LRRTM4: variants seen among roughly 807,000 people sequenced by gnomAD.
LRRTM4 encodes leucine-rich repeat transmembrane neuronal protein 4.
In LRRTM4, 25 loss-of-function variants were observed where a neutral mutation model predicts 47.6. The observed-to-expected ratio is 0.53, with a 90% CI of 0.38 to 0.73. The LOEUF (loss-of-function observed/expected upper bound fraction) is 0.73. LRRTM4 is among the 30% of genes least tolerant of loss of function. The pLI, the probability that LRRTM4 is intolerant of heterozygous loss-of-function variation, is 0.00. For missense variants in LRRTM4, 638 were observed against 713.4 expected, an observed-to-expected ratio of 0.89 and a Z score of 1.20; for synonymous variants, 311 against 269.5, an observed-to-expected ratio of 1.15 and a Z score of -1.51.
chr2:77,012,206 T>C (rs1250772009), intron 3 of LRRTM4, among the ~76,000 whole-genome samples: 1 of 152,132 alleles, frequency 6.6e-6, no homozygotes, highest in East Asian at 1.9e-4. Context: ...GGAAGCTTAC[T>C]CAAGTATTTC....
At chr2:77,436,739 G>A (rs1675615039) in intron 3 of LRRTM4, among the ~76,000 whole-genome samples, 1 of 151,692 alleles carries the variant, frequency 6.6e-6, no homozygotes, top group Non-Finnish European at 1.5e-5. Flanking sequence ...TCTGCTTTTA[G>A]TTCTATAATG....
chr2:77,388,952 C>T (rs1450400716), intron 3 of LRRTM4, among the ~76,000 whole-genome samples: 1 of 151,800 alleles, frequency 6.6e-6, no homozygotes, highest in Non-Finnish European at 1.5e-5. Flanking sequence ...ATAATATAAC[C>T]ATTTCACTAA....
intron 3 of LRRTM4, among the ~76,000 whole-genome samples, chr2:76,771,479 C>T (rs1245534273): frequency 2.6e-5 from 4 of 152,024 alleles, no homozygotes; most frequent in Non-Finnish European, 4.4e-5. Flanking sequence ...GCAAGGGCTC[C>T]AGGAGGAACC....
chr2:77,326,157 A>C (rs1417809104), intron 3 of LRRTM4, among the ~76,000 whole-genome samples: 2 of 152,240 alleles, frequency 1.3e-5, no homozygotes, highest in African/African-American at 4.8e-5. Context: ...TCATTAGATC[A>C]TACCATTTTG....
chr2:77,428,003 G>T (rs896117515), intron 3 of LRRTM4, among the ~76,000 whole-genome samples: 6 of 152,144 alleles, frequency 3.9e-5, no homozygotes, highest in African/African-American at 1.2e-4. Context: ...GAACCATAGG[G>T]CAGTTACTCC....
intron 3 of LRRTM4, chr2:77,009,785 C>A (rs1047197139): frequency 1.1e-4 from 16 of 151,980 alleles, no homozygotes; most frequent in African/African-American, 3.6e-4. Context: ...TAAATTCATG[C>A]CTCTTATTAC....
chr2:77,165,660 C>T (rs1415270870), intron 3 of LRRTM4, among the ~76,000 whole-genome samples: 2 of 152,096 alleles, frequency 1.3e-5, no homozygotes, highest in Non-Finnish European at 2.9e-5. Flanking sequence ...TGAACATATG[C>T]AAATCAATAA....
intron 3 of LRRTM4, among the ~76,000 whole-genome samples, chr2:77,144,837 A>G (rs1052427026): frequency 1.3e-5 from 2 of 152,208 alleles, no homozygotes; most frequent in Admixed American, 6.5e-5. Flanking sequence ...CTGAACAACA[A>G]GAGCAAATAT....
chr2:76,944,607 T>G (rs1382404623), intron 3 of LRRTM4, among the ~76,000 whole-genome samples: 1 of 152,058 alleles, frequency 6.6e-6, no homozygotes, highest in Non-Finnish European at 1.5e-5. Context: ...GGTTCATCTA[T>G]AGAGAGAAAT....
intron 3 of LRRTM4, among the ~76,000 whole-genome samples, chr2:76,818,009 C>T (rs978383429): frequency 6.6e-6 from 1 of 151,728 alleles, no homozygotes; most frequent in Admixed American, 6.6e-5. Context: ...AATAAAAATC[C>T]AGTTCAAGTT....
At chr2:76,910,341 T>A (rs1043857378) in intron 3 of LRRTM4, among the ~76,000 whole-genome samples, 1 of 96,326 alleles carries the variant, frequency 1.0e-5, no homozygotes, top group Non-Finnish European at 2.0e-5. Context: ...CTCTGGGGAC[T>A]GTTGTGGGGT....
At chr2:77,189,717 G>A (rs1673611614) in intron 3 of LRRTM4, among the ~76,000 whole-genome samples, 2 of 151,540 alleles carry the variant, frequency 1.3e-5, no homozygotes, top group Admixed American at 6.6e-5. Context: ...ATTTGTTATA[G>A]AAGCCTGAAC....
chr2:77,506,040 G>T (rs1484497791), intron 3 of LRRTM4, among the ~76,000 whole-genome samples: 1 of 151,550 alleles, frequency 6.6e-6, no homozygotes, highest in African/African-American at 2.4e-5. Flanking sequence ...GAATTTAGTG[G>T]TTGGAGCAAG....
rs865825761 is a variant in LRRTM4 at position 76,816,850 on chromosome 2, T to G, written c.1552-67934A>C. Among the ~76,000 whole-genome samples the G allele has an allele frequency of 2.2e-3, 191 of 88,472 alleles. 4 individuals are homozygous for G. Among genetic ancestry groups the G allele is most frequent in the African/African-American group, 7.4e-3 (137 of 18,416 alleles). 58.0% of individuals were successfully genotyped at this position (88,472 alleles called of 152,430 possible). Reference sequence around the variant, plus strand: ...TTTTTTTTTTTTTTTTTTTTTTTTTTTTTTTTTTTTTTGGTGCTTAAGAAC... The same window carrying G: ...TTTTTTTTTTTTTTTTTTTTTTTTTGTTTTTTTTTTTTGGTGCTTAAGAAC... On this transcript the variant is annotated intron_variant, in intron 3 of 3. Transcript: ENST00000409884.
chr2:77,485,743 T>C (rs992529799), intron 3 of LRRTM4, among the ~76,000 whole-genome samples: 4 of 152,156 alleles, frequency 2.6e-5, no homozygotes, highest in African/African-American at 7.2e-5. Context: ...ATTATTACTA[T>C]TTTTTAAACA....
chr2:77,312,632 G>A (rs902595604), intron 3 of LRRTM4, among the ~76,000 whole-genome samples: 3 of 151,676 alleles, frequency 2.0e-5, no homozygotes, highest in Non-Finnish European at 4.4e-5. Flanking sequence ...CACCACACGC[G>A]TGCACACACA....
intron 3 of LRRTM4, among the ~76,000 whole-genome samples, chr2:77,053,922 T>A (rs1558552525): frequency 6.6e-6 from 1 of 152,100 alleles, no homozygotes; most frequent in Non-Finnish European, 1.5e-5. Flanking sequence ...TTGATGTGAG[T>A]GGTAGATAAT....
At chr2:76,753,894 T>C (rs1672937631) in intron 3 of LRRTM4, among the ~76,000 whole-genome samples, 1 of 152,182 alleles carries the variant, frequency 6.6e-6, no homozygotes, top group Non-Finnish European at 1.5e-5. Context: ...TTCTCAAAGG[T>C]ATTAGCATTA....
At chr2:76,846,458 T>A (rs1671839671) in intron 3 of LRRTM4, among the ~76,000 whole-genome samples, 1 of 152,192 alleles carries the variant, frequency 6.6e-6, no homozygotes, top group African/African-American at 2.4e-5. Flanking sequence ...TTTTATTCCA[T>A]TTATATCATT....
Sources: gnomAD v4.1 joint callset for allele counts (sites outside exome capture counted in the v4.1 genomes callset) on GRCh38, gnomAD v4.1.1 for gene constraint, MANE v1.5 for transcripts, NCBI Gene and HGNC (gene_info 2026-07-23, HGNC 2026-07-21) for gene names.